GALNTL5: variants seen among roughly 807,000 people sequenced by gnomAD.
GALNTL5 encodes the protein polypeptide N-acetylgalactosaminyltransferase like 5.
A neutral mutation model predicts 51.0 loss-of-function variants in GALNTL5; 44 were observed. That is an observed-to-expected ratio of 0.86 (90% CI 0.68 to 1.11). The LOEUF (loss-of-function observed/expected upper bound fraction) is 1.11, where lower values mean the gene tolerates loss of function less well. GALNTL5 is among the 50% of genes least tolerant of loss of function. The probability of loss-of-function intolerance (pLI) is 0.00; values close to 1 mark genes in which losing one functional copy is unlikely to be tolerated. For synonymous variants in GALNTL5, 192 were observed against 182.8 expected (o/e 1.05, Z -0.41); for missense variants, 528 against 531.8 (o/e 0.99, Z 0.07).
chr7:152,007,704 C>G, intron 6 of GALNTL5, 123 bp from the exon 7 acceptor site: 1 of 702,028 alleles, frequency 1.4e-6, no homozygotes, highest in Non-Finnish European at 2.5e-6. Context: ...AGGCATGAGC[C>G]TCCACACCCG....
chr7:151,988,189 G>A (rs2081384571), intron 5 of GALNTL5, among the ~76,000 whole-genome samples: 1 of 152,208 alleles, frequency 6.6e-6, no homozygotes, highest in Admixed American at 6.5e-5. Flanking sequence ...CCTGGGGGCA[G>A]GTATGACCTT....
At position 151,971,135 on chromosome 7, in the gene GALNTL5, A is replaced by ATAGG. The variant is rs2081132282; in HGVS notation, c.368+73_368+74insGTAG. On this transcript the variant is annotated intron_variant, in intron 3 of 8. Transcript: ENST00000392800. Reference sequence around the variant, plus strand: ...GATAGATAGATAGATAGATAGATAGATAGAAAGAAAACAGTTACTAACCAG... The same window carrying ATAGG: ...GATAGATAGATAGATAGATAGATAGATAGGTAGAAAGAAAACAGTTACTAACCAG... The ATAGG allele has an allele frequency of 5.4e-6, 7 of 1,288,884 alleles. No homozygotes were observed. In the Admixed American group the frequency reaches 1.2e-4, roughly 22 times the overall value. 79.8% of individuals were successfully genotyped at this position (1,288,884 alleles called of 1,614,324 possible).
chr7:152,000,532 C>A (rs1199088894), intron 5 of GALNTL5, among the ~76,000 whole-genome samples: 1 of 152,196 alleles, frequency 6.6e-6, no homozygotes, highest in East Asian at 1.9e-4. Context: ...CCATCATTCC[C>A]AACAGCACTG....
chr7:152,004,850 C>A (rs933090793), intron 6 of GALNTL5, among the ~76,000 whole-genome samples: 1 of 152,120 alleles, frequency 6.6e-6, no homozygotes, highest in African/African-American at 2.4e-5. Context: ...ATCCAGTCTT[C>A]CACTGAGGGA....
intron 5 of GALNTL5, chr7:151,995,459 A>G (rs890779743): frequency 2.2e-5 from 3 of 134,082 alleles, no homozygotes; most frequent in African/African-American, 8.2e-5. Flanking sequence ...ATAGTGATGA[A>G]ATGCTAGTGT....
At chr7:151,987,953 T>C (rs1432802644) in intron 5 of GALNTL5, among the ~76,000 whole-genome samples, 3 of 152,208 alleles carry the variant, frequency 2.0e-5, no homozygotes, top group East Asian at 1.9e-4. Flanking sequence ...TGCTTGGTCA[T>C]TGGGTGGCAG....
intron 7 of GALNTL5, among the ~76,000 whole-genome samples, chr7:152,014,070 T>C (rs1452687608): frequency 6.6e-6 from 1 of 152,214 alleles, no homozygotes; most frequent in Non-Finnish European, 1.5e-5. Context: ...TTCATCTTCA[T>C]TGCTGGCTCT....
chr7:152,017,633 G>A lies in GALNTL5; in HGVS notation c.1177-2013G>A, dbSNP rs540914183. Among the ~76,000 whole-genome samples, 35 of 152,248 alleles carry A rather than the reference G, an allele frequency of 2.3e-4. No homozygotes were observed. In the South Asian group the frequency reaches 6.6e-3, roughly 29 times the overall value. On this transcript the variant is annotated intron_variant, in intron 8 of 8. Coordinates refer to ENST00000392800, the MANE Select transcript of GALNTL5 (RefSeq NM_145292.4). ...ACGTAATCAAGATAGAATGTAAAACGAAGGAAAAGGGCAATGATCAGGAAA... is the reference window on the plus strand; with the variant it reads ...ACGTAATCAAGATAGAATGTAAAACAAAGGAAAAGGGCAATGATCAGGAAA...
intron 1 of GALNTL5, among the ~76,000 whole-genome samples, chr7:151,961,061 G>A (rs982520495): frequency 9.9e-5 from 15 of 152,210 alleles, no homozygotes; most frequent in Non-Finnish European, 1.8e-4. Flanking sequence ...GCATGGGGGC[G>A]TGTGCCTATA....
At chr7:152,009,076 C>G (rs1332818662) in intron 7 of GALNTL5, among the ~76,000 whole-genome samples, 2 of 152,060 alleles carry the variant, frequency 1.3e-5, no homozygotes, top group African/African-American at 2.4e-5. Flanking sequence ...TCCTGATGGC[C>G]TGTCATATCT....
chr7:151,978,998 T>C (rs1481572444), intron 3 of GALNTL5, among the ~76,000 whole-genome samples: 1 of 152,166 alleles, frequency 6.6e-6, no homozygotes, highest in African/African-American at 2.4e-5. Context: ...AGAGTCCTGC[T>C]TTGTACTGAA....
intron 3 of GALNTL5, among the ~76,000 whole-genome samples, 163 bp downstream of exon 3, chr7:151,971,228 A>G (rs1036532197): frequency 1.3e-5 from 2 of 152,170 alleles, no homozygotes; most frequent in African/African-American, 4.8e-5. Context: ...AGATAATGTC[A>G]AGATTCTATT....
intron 5 of GALNTL5, among the ~76,000 whole-genome samples, chr7:151,988,251 C>T (rs759461990): frequency 5.3e-5 from 8 of 152,162 alleles, no homozygotes; most frequent in Admixed American, 2.0e-4. Context: ...TTGTTGTGAA[C>T]CATTGGCTGT....
chr7:152,003,557 C>G (rs2081608589), intron 6 of GALNTL5, among the ~76,000 whole-genome samples: 1 of 152,210 alleles, frequency 6.6e-6, no homozygotes, highest in African/African-American at 2.4e-5. Flanking sequence ...ATGTAAAACA[C>G]ATAGCATAAG....
chr7:151,989,327 A>G (rs1351768139), intron 5 of GALNTL5, among the ~76,000 whole-genome samples: 1 of 151,116 alleles, frequency 6.6e-6, no homozygotes, highest in Non-Finnish European at 1.5e-5. Context: ...ATTTTTTTGT[A>G]TTTTTAGTAG....
intron 3 of GALNTL5, among the ~76,000 whole-genome samples, chr7:151,971,991 G>A (rs1345757316): frequency 6.6e-6 from 1 of 152,186 alleles, no homozygotes; most frequent in Non-Finnish European, 1.5e-5. Flanking sequence ...ATAGCAGTGT[G>A]AAAATGGATT....
chr7:152,004,627 C>G lies in GALNTL5; in HGVS notation c.908+1664C>G, dbSNP rs2081621400. Among the ~76,000 whole-genome samples, 2 of 152,258 alleles carry G rather than the reference C, an allele frequency of 1.3e-5. 1 individual carries two copies. Among genetic ancestry groups the G allele is most frequent in the South Asian group, 4.1e-4 (2 of 4,828 alleles). Reference sequence around the variant, plus strand: ...CCCTCCTGTCACCACCCTTCTGTCTCCAATGCCTGTCAGTCCACACTCTAT... The same window carrying G: ...CCCTCCTGTCACCACCCTTCTGTCTGCAATGCCTGTCAGTCCACACTCTAT... On this transcript the variant is annotated intron_variant, in intron 6 of 8. Coordinates refer to ENST00000392800, the MANE Select transcript of GALNTL5 (RefSeq NM_145292.4).
intron 3 of GALNTL5, among the ~76,000 whole-genome samples, chr7:151,973,598 C>T (rs1001590712): frequency 2.6e-5 from 4 of 152,234 alleles, no homozygotes; most frequent in South Asian, 2.1e-4. Context: ...ATGCCTGTAC[C>T]GCTATTGTAT....
Position 151,978,281 on chromosome 7 carries a change from A to G in GALNTL5, c.369-4705A>G, listed in dbSNP as rs142201833. Among the ~76,000 whole-genome samples the G allele has an allele frequency of 4.1e-3, 629 of 152,282 alleles. 3 individuals carry two copies. Among genetic ancestry groups the G allele is most frequent in the Middle Eastern group, 0.014 (4 of 294 alleles). On this transcript the variant is annotated intron_variant, in intron 3 of 8. Coordinates refer to ENST00000392800, the MANE Select transcript of GALNTL5 (RefSeq NM_145292.4). Reference sequence around the variant, plus strand: ...ATCCAAAAATTATTTGGAGAAATCCATTTTTTTAATTGGATTTGAACAAAT... The same window carrying G: ...ATCCAAAAATTATTTGGAGAAATCCGTTTTTTTAATTGGATTTGAACAAAT...
Sources: gnomAD v4.1 joint callset for allele counts (sites outside exome capture counted in the v4.1 genomes callset) on GRCh38, gnomAD v4.1.1 for gene constraint, MANE v1.5 for transcripts, NCBI Gene and HGNC (gene_info 2026-07-23, HGNC 2026-07-21) for gene names.